The following UNC79 variants were observed in gnomAD, a reference collection of about 807,000 sequenced individuals.
UNC79 encodes the protein unc-79 subunit of NALCN channel complex, also known as protein unc-79 homolog.
Under a neutral mutation model 283.1 loss-of-function variants are expected in UNC79, and 37 were observed. That is an observed-to-expected ratio of 0.13 (90% CI 0.10 to 0.17). The LOEUF is 0.17. Ranked by LOEUF, UNC79 falls within the 10% of genes least tolerant of loss-of-function variation. The pLI is 1.00. For missense variants in UNC79, 2,272 were observed against 3,211.1 expected (o/e 0.71, Z 7.07); for synonymous variants, 1,107 against 1,200.2 (o/e 0.92, Z 1.61).
intron 39 of UNC79, among the ~76,000 whole-genome samples, chr14:93,661,131 G>A (rs1261031302): frequency 1.3e-5 from 2 of 151,814 alleles, no homozygotes; most frequent in Non-Finnish European, 2.9e-5. Flanking sequence ...TTTTTTTTCT[G>A]GGAATCTATT....
intron 22 of UNC79, among the ~76,000 whole-genome samples, chr14:93,590,604 G>A (rs982608128): frequency 6.6e-6 from 1 of 152,114 alleles, no homozygotes; most frequent in Non-Finnish European, 1.5e-5. Context: ...TACCCACTCG[G>A]CCTTTAGGGT....
chr14:93,418,622 G>C (rs1365764594), intron 1 of UNC79, among the ~76,000 whole-genome samples: 1 of 151,868 alleles, frequency 6.6e-6, no homozygotes. Context: ...CCTGCCCCCA[G>C]AGGTGGAGCC....
chr14:93,508,277 G>T (rs1274772749), intron 7 of UNC79, among the ~76,000 whole-genome samples: 2 of 151,680 alleles, frequency 1.3e-5, no homozygotes, highest in African/African-American at 4.8e-5. Flanking sequence ...CTAGCACTTT[G>T]GGAGGCCGAG....
intron 33 of UNC79, among the ~76,000 whole-genome samples, chr14:93,642,934 C>A (rs889686447): frequency 2.6e-5 from 4 of 152,112 alleles, no homozygotes; most frequent in Non-Finnish European, 5.9e-5. Flanking sequence ...CTACAAAGAG[C>A]GGTAGGTTGG....
intron 22 of UNC79, 37 bp from the exon 23 acceptor site, chr14:93,593,643 A>T (rs370272048): frequency 6.3e-7 from 1 of 1,582,334 alleles, no homozygotes; most frequent in Non-Finnish European, 8.6e-7. Flanking sequence ...AAAAGTTGTG[A>T]TAACTGTCAC....
intron 15 of UNC79, 120 bp downstream of exon 15, chr14:93,572,204 ACC>A: frequency 6.7e-6 from 7 of 1,037,416 alleles, no homozygotes; most frequent in Non-Finnish European, 9.3e-6. Flanking sequence ...TTTTTTAACC[ACC>A]CTGTGGAGAA....
intron 11 of UNC79, among the ~76,000 whole-genome samples, chr14:93,536,884 AT>A (rs933864770): frequency 1.4e-5 from 2 of 144,844 alleles, no homozygotes; most frequent in Admixed American, 1.4e-4. Context: ...CCTTGCTATC[AT>A]TTTTTTCCTA....
intron 1 of UNC79, among the ~76,000 whole-genome samples, chr14:93,434,938 G>T (rs1316686996): frequency 6.6e-6 from 1 of 152,038 alleles, no homozygotes; most frequent in Non-Finnish European, 1.5e-5. Context: ...AAATATTTTT[G>T]ATTACATCAA....
In UNC79 at chr14:93,344,422, T is replaced by A. The variant is rs2053781192; in HGVS notation, c.-351+10899T>A. ...AGAACTCAAGGAGAGGAAAGTGTCC[T>A]AACTTCAGAATAGGGAGAATTCAAA... On this transcript the variant is annotated intron_variant, in intron 1 of 49. Coordinates refer to the UNC79 transcript ENST00000256339. 2.0e-5 allele frequency among the ~76,000 whole-genome samples: 3 copies of A among 152,234 alleles called. 1 individual carries two copies. The South Asian group carries it at 6.2e-4, about 31-fold the overall frequency.
intron 7 of UNC79, among the ~76,000 whole-genome samples, chr14:93,509,935 A>G (rs2059738773): frequency 6.6e-6 from 1 of 152,186 alleles, no homozygotes; most frequent in Non-Finnish European, 1.5e-5. Flanking sequence ...TGAACGCTCT[A>G]TCCCTGCAGC....
At chr14:93,551,102 T>G (rs1384351574) in intron 14 of UNC79, among the ~76,000 whole-genome samples, 2 of 152,180 alleles carry the variant, frequency 1.3e-5, no homozygotes, top group Admixed American at 1.3e-4. Context: ...CAGGCTGGAG[T>G]GCAGTGGCGC....
At chr14:93,660,343 G>A (rs1244586387) in intron 39 of UNC79, among the ~76,000 whole-genome samples, 1 of 151,672 alleles carries the variant, frequency 6.6e-6, no homozygotes, top group Non-Finnish European at 1.5e-5. Flanking sequence ...TTTGTGACTT[G>A]AACATAAGTC....
intron 37 of UNC79, 122 bp from the exon 41 acceptor site, chr14:93,655,112 G>T (rs1241133833): frequency 9.7e-7 from 1 of 1,027,252 alleles, no homozygotes. Flanking sequence ...ATTGGCCTAT[G>T]TAGTAGGCAC....
At chr14:93,703,480 G>C (rs4905083) in intron 47 of UNC79, among the ~76,000 whole-genome samples, 1 of 152,100 alleles carries the variant, frequency 6.6e-6, no homozygotes, top group Non-Finnish European at 1.5e-5. Flanking sequence ...TTTGTGTGTA[G>C]GTGTCTAAAC....
At chr14:93,655,859 C>T (rs1436680653) in intron 38 of UNC79, among the ~76,000 whole-genome samples, 1 of 152,102 alleles carries the variant, frequency 6.6e-6, no homozygotes, top group African/African-American at 2.4e-5. Context: ...GACTGTTACC[C>T]CCTACACCAT....
At chr14:93,514,389 A>G (rs1265565153) in intron 7 of UNC79, among the ~76,000 whole-genome samples, 1 of 152,192 alleles carries the variant, frequency 6.6e-6, no homozygotes, top group East Asian at 1.9e-4. Context: ...GTTACAAACT[A>G]TTGTCTCCTG....
chr14:93,502,645 C>G (rs2059352557), intron 7 of UNC79, among the ~76,000 whole-genome samples: 1 of 152,126 alleles, frequency 6.6e-6, no homozygotes, highest in South Asian at 2.1e-4. Context: ...AATAATTTAG[C>G]CTTTGTTAGT....
chr14:93,600,490 A>G, intron 24 of UNC79, 79 bp from the exon 25 acceptor site: 1 of 987,094 alleles, frequency 1.0e-6, no homozygotes, highest in East Asian at 2.4e-5. Context: ...GACTTTGCCT[A>G]GTATATCGGC....
chr14:93,542,378 A>G (rs1214492403), intron 13 of UNC79, 88 bp from the exon 14 acceptor site: 2 of 1,307,612 alleles, frequency 1.5e-6, no homozygotes, highest in Non-Finnish European at 2.1e-6. Context: ...ATATCTTTTT[A>G]TTTTTATTTT....
Sources: gnomAD v4.1 joint callset for allele counts (sites outside exome capture counted in the v4.1 genomes callset) on GRCh38, gnomAD v4.1.1 for gene constraint, MANE v1.5 for transcripts, NCBI Gene and HGNC (gene_info 2026-07-23, HGNC 2026-07-21) for gene names.